AP3S1: variants seen among roughly 807,000 people sequenced by gnomAD.
AP3S1 encodes the protein AP-3 complex subunit sigma-1.
Under a neutral mutation model 21.3 loss-of-function variants are expected in AP3S1, and 12 were observed. The ratio of observed to expected loss-of-function variants is 0.56; its 90% confidence interval spans 0.36 to 0.91. AP3S1 has a LOEUF of 0.91. AP3S1 is among the 40% of genes least tolerant of loss of function. AP3S1 has a pLI of 0.01. For missense variants in AP3S1, 116 were observed against 225.0 expected (o/e 0.52, Z 3.10); for synonymous variants, 48 against 78.4 (o/e 0.61, Z 2.05).
At chr5:115,912,291 G>A (rs1261257147) in intron 5 of AP3S1, among the ~76,000 whole-genome samples, 1 of 151,884 alleles carries the variant, frequency 6.6e-6, no homozygotes, top group South Asian at 2.1e-4. Context: ...ATTCGTTTTT[G>A]TTGTCTATTT....
At chr5:115,842,192 C>A in intron 1 of AP3S1, 86 bp downstream of exon 1, 1 of 1,472,990 alleles carries the variant, frequency 6.8e-7, no homozygotes, top group Non-Finnish European at 9.0e-7. Context: ...GAGCGACCCC[C>A]TCCGGCGCGC....
intron 2 of AP3S1, among the ~76,000 whole-genome samples, chr5:115,867,913 A>T (rs1747837552): frequency 6.6e-6 from 1 of 152,140 alleles, no homozygotes; most frequent in South Asian, 2.1e-4. Flanking sequence ...TTCTTTTTTA[A>T]CCTTACAAAA....
chr5:115,912,522 G>T (rs183081387), intron 5 of AP3S1, among the ~76,000 whole-genome samples: 74 of 151,960 alleles, frequency 4.9e-4, no homozygotes, highest in Non-Finnish European at 8.4e-4. Flanking sequence ...CCTACTAATA[G>T]GAAAGCCAAA....
At chr5:115,870,192 T>G (rs1279373841) in intron 3 of AP3S1, 64 bp downstream of exon 3, 1 of 1,004,136 alleles carries the variant, frequency 1.0e-6, no homozygotes, top group Non-Finnish European at 1.5e-6. Context: ...TTTAAAAACT[T>G]ATATATTCTA....
intron 3 of AP3S1, among the ~76,000 whole-genome samples, chr5:115,877,134 A>T (rs545518530): frequency 5.9e-5 from 9 of 152,204 alleles, no homozygotes; most frequent in African/African-American, 2.2e-4. Context: ...TTTTTCTATC[A>T]TACCTCAATA....
At chr5:115,855,013 T>C (rs942691161) in intron 1 of AP3S1, among the ~76,000 whole-genome samples, 2 of 145,046 alleles carry the variant, frequency 1.4e-5, no homozygotes, top group African/African-American at 5.2e-5. Flanking sequence ...TGTATGTATA[T>C]ATTTTATATC....
At chr5:115,858,360 C>G (rs1762938903) in intron 1 of AP3S1, among the ~76,000 whole-genome samples, 1 of 152,138 alleles carries the variant, frequency 6.6e-6, no homozygotes, top group East Asian at 1.9e-4. Flanking sequence ...CTTTTAGTTT[C>G]CAGTGTTGCT....
At chr5:115,894,876 A>G (rs182258910) in intron 3 of AP3S1, among the ~76,000 whole-genome samples, 340 of 152,284 alleles carry the variant, frequency 2.2e-3, no homozygotes, top group African/African-American at 7.9e-3. Flanking sequence ...TTTGTTTTCT[A>G]TACTTATGTA....
chr5:115,883,900 A>G (rs981034184), intron 3 of AP3S1, among the ~76,000 whole-genome samples: 6 of 152,214 alleles, frequency 3.9e-5, no homozygotes, highest in Non-Finnish European at 8.8e-5. Context: ...TTTCAGTTTT[A>G]ATAATACTTA....
chr5:115,856,830 C>T (rs1208228599), intron 1 of AP3S1, among the ~76,000 whole-genome samples: 2 of 152,164 alleles, frequency 1.3e-5, no homozygotes, highest in Admixed American at 1.3e-4. Context: ...GTTAAAAATA[C>T]ATTCTTCTGG....
chr5:115,891,186 A>G (rs1350796424), intron 3 of AP3S1, among the ~76,000 whole-genome samples: 1 of 152,224 alleles, frequency 6.6e-6, no homozygotes, highest in African/African-American at 2.4e-5. Flanking sequence ...CTACCAAAAA[A>G]TTAAACTAAA....
intron 5 of AP3S1, among the ~76,000 whole-genome samples, chr5:115,912,711 G>C (rs1752201032): frequency 6.6e-6 from 1 of 151,956 alleles, no homozygotes; most frequent in South Asian, 2.1e-4. Context: ...ATGCATCAAA[G>C]GGTTGGAATG....
At chr5:115,904,622 G>A (rs1165231409) in intron 5 of AP3S1, among the ~76,000 whole-genome samples, 1 of 152,038 alleles carries the variant, frequency 6.6e-6, no homozygotes, top group African/African-American at 2.4e-5. Context: ...TTTGAAAGTG[G>A]AAAACATAAA....
chr5:115,862,452 T>C (rs1402235975), intron 1 of AP3S1, among the ~76,000 whole-genome samples: 8 of 152,236 alleles, frequency 5.3e-5, no homozygotes. Flanking sequence ...TATCAAAATT[T>C]ATGCAAACAC....
At chr5:115,872,437 A>G (rs1748349462) in intron 3 of AP3S1, among the ~76,000 whole-genome samples, 1 of 152,200 alleles carries the variant, frequency 6.6e-6, no homozygotes, top group East Asian at 1.9e-4. Context: ...CCACAAGGTA[A>G]TCATGGCACA....
At chr5:115,907,482 C>T (rs1751747870) in intron 5 of AP3S1, among the ~76,000 whole-genome samples, 1 of 152,090 alleles carries the variant, frequency 6.6e-6, no homozygotes. Context: ...TGCATATTAA[C>T]AGTGGCCAAC....
rs774096629 is a variant in AP3S1 at position 115,903,016 on chromosome 5, TAAG to T, written c.453+28_453+30del. ...AGGTAAGAATGGAAAATGCTGTAGT[TAAG>T]AAGGTTCTAAGCATGATGACAGATT... On this transcript the variant is annotated intron_variant, in intron 5 of 5. Transcript: ENST00000316788. 47 of 594,652 alleles carry T rather than the reference TAAG, an allele frequency of 7.9e-5. No individual in the cohort carries two copies. The African/African-American group carries it at 1.0e-3, about 13-fold the overall frequency. The allele number at this position is 594,652 out of a possible 1,614,324, so 36.8% of individuals were successfully genotyped here.
At chr5:115,866,785 T>TA in intron 2 of AP3S1, 24 bp downstream of exon 2, 1 of 1,497,006 alleles carries the variant, frequency 6.7e-7, no homozygotes, top group Non-Finnish European at 9.2e-7. Flanking sequence ...TTCATAGACA[T>TA]TTCTAAGTTT....
At chr5:115,856,628 C>T (rs1762821609) in intron 1 of AP3S1, among the ~76,000 whole-genome samples, 1 of 141,814 alleles carries the variant, frequency 7.1e-6, no homozygotes, top group Non-Finnish European at 1.5e-5. Context: ...CCATGCTCAA[C>T]TAAGTTTTTA....
Sources: allele counts gnomAD v4.1 joint callset (sites outside exome capture counted in the v4.1 genomes callset), GRCh38; gene constraint gnomAD v4.1.1; transcripts MANE v1.5; gene names NCBI Gene and HGNC (gene_info 2026-07-23, HGNC 2026-07-21).